Variants in CCDC91 observed in about 807,000 individuals in gnomAD.
CCDC91 encodes coiled-coil domain containing 91.
In CCDC91, 48 loss-of-function variants were observed where a neutral mutation model predicts 63.2. The observed-to-expected ratio is 0.76, with a 90% CI of 0.60 to 0.97. The LOEUF is 0.97. Among genes scored for constraint, CCDC91 ranks in the 50% least tolerant of loss-of-function variants. CCDC91 has a pLI of 0.00. For missense variants in CCDC91, 500 were observed against 494.6 expected, an observed-to-expected ratio of 1.01 and a Z score of -0.10; for synonymous variants, 167 against 165.8, an observed-to-expected ratio of 1.01 and a Z score of -0.06.
At chr12:28,248,245 G>A (rs1459160390) in intron 1 of CCDC91, among the ~76,000 whole-genome samples, 1 of 152,198 alleles carries the variant, frequency 6.6e-6, no homozygotes, top group Non-Finnish European at 1.5e-5. Flanking sequence ...TGGTGGGGGA[G>A]ATGTTGAATT....
chr12:28,299,926 T>C (rs1937866432), intron 3 of CCDC91, among the ~76,000 whole-genome samples: 1 of 151,368 alleles, frequency 6.6e-6, no homozygotes, highest in Admixed American at 6.6e-5. Flanking sequence ...ATACATATTA[T>C]TGTTTTCCCC....
At chr12:28,303,979 C>A (rs1465196985) in intron 3 of CCDC91, among the ~76,000 whole-genome samples, 1 of 151,962 alleles carries the variant, frequency 6.6e-6, no homozygotes, top group Non-Finnish European at 1.5e-5. Flanking sequence ...TCTCACTATT[C>A]TACTTGTATA....
chr12:28,516,208 T>A (rs186868798), intron 12 of CCDC91, among the ~76,000 whole-genome samples: 2,498 of 151,940 alleles, frequency 0.016, 28 homozygotes, highest in South Asian at 0.03. Flanking sequence ...TTAATGATTT[T>A]AAAAAAAATC....
intron 4 of CCDC91, among the ~76,000 whole-genome samples, chr12:28,306,288 G>A (rs1938718581): frequency 1.3e-5 from 2 of 152,018 alleles, no homozygotes; most frequent in South Asian, 4.1e-4. Context: ...AATTTCTAAA[G>A]TGCTGTACAC....
chr12:28,516,183 C>T (rs1939924753), intron 12 of CCDC91, among the ~76,000 whole-genome samples: 1 of 151,882 alleles, frequency 6.6e-6, no homozygotes, highest in South Asian at 2.1e-4. Flanking sequence ...GTGAGGCAGA[C>T]TTTACCTGAA....
intron 7 of CCDC91, among the ~76,000 whole-genome samples, chr12:28,363,597 A>G (rs1565860450): frequency 6.6e-6 from 1 of 152,168 alleles, no homozygotes. Flanking sequence ...TCCGTAAATC[A>G]TTTGGGCCGG....
chr12:28,390,286 A>G (rs1945851593), intron 7 of CCDC91, among the ~76,000 whole-genome samples: 1 of 152,000 alleles, frequency 6.6e-6, no homozygotes, highest in Admixed American at 6.6e-5. Flanking sequence ...ACAGAGATTA[A>G]GAGATTTGGC....
At chr12:28,213,669 A>G (rs1031791464) in intron 1 of CCDC91, among the ~76,000 whole-genome samples, 2 of 152,228 alleles carry the variant, frequency 1.3e-5, no homozygotes, top group African/African-American at 2.4e-5. Flanking sequence ...ACTACCAGAC[A>G]TGGATTTAAA....
chr12:28,421,152 C>A (rs2139906387), intron 8 of CCDC91, among the ~76,000 whole-genome samples: 1 of 152,168 alleles, frequency 6.6e-6, no homozygotes, highest in Non-Finnish European at 1.5e-5. Context: ...TTATAAATCA[C>A]AAACAATACA....
intron 7 of CCDC91, among the ~76,000 whole-genome samples, chr12:28,381,065 T>C (rs1431596971): frequency 6.6e-6 from 1 of 152,156 alleles, no homozygotes; most frequent in Admixed American, 6.6e-5. Flanking sequence ...GTAAAGATGA[T>C]GGTCTGTAAA....
intron 12 of CCDC91, among the ~76,000 whole-genome samples, chr12:28,502,518 T>G (rs1246503732): frequency 2.0e-5 from 3 of 150,436 alleles, no homozygotes; most frequent in Admixed American, 6.6e-5. Flanking sequence ...CAAGGTAATT[T>G]ATAGATTCAA....
intron 3 of CCDC91, among the ~76,000 whole-genome samples, chr12:28,267,673 A>G (rs1947282738): frequency 6.4e-5 from 1 of 15,614 alleles, no homozygotes; most frequent in African/African-American, 7.7e-5. Flanking sequence ...TATTAATTAT[A>G]TTATATGTTA....
chr12:28,441,722 TATATC>T lies in CCDC91; in HGVS notation c.763-8434_763-8430del, dbSNP rs1463770467. 9.4e-4 allele frequency among the ~76,000 whole-genome samples: 12 copies of T among 12,730 alleles called. No homozygotes were observed. In the African/African-American group the frequency reaches 0.019, roughly 21 times the overall value. 8.4% of individuals were successfully genotyped at this position (12,730 alleles called of 152,430 possible). On this transcript the variant is annotated intron_variant, in intron 8 of 12. Coordinates refer to ENST00000536442, the MANE Select transcript of CCDC91 (RefSeq NM_018318.5). Reference sequence around the variant, plus strand: ...ATCTCTCTCATATATATATCTCATATATATCATATATCTCATATATATATCTCATA... The same window carrying T: ...ATCTCTCTCATATATATATCTCATATATATATCTCATATATATATCTCATA...
intron 4 of CCDC91, 94 bp downstream of exon 4, chr12:28,305,900 T>C: frequency 9.1e-7 from 1 of 1,097,036 alleles, no homozygotes; most frequent in Non-Finnish European, 1.3e-6. Context: ...TTTAGCCTAT[T>C]TGTCTAAAAG....
intron 8 of CCDC91, among the ~76,000 whole-genome samples, chr12:28,415,117 A>G (rs141307890): frequency 3.3e-5 from 5 of 152,262 alleles, no homozygotes; most frequent in African/African-American, 1.2e-4. Context: ...TTTGTTTTCT[A>G]GAGTGCTTTA....
chr12:28,273,649 T>C (rs1406599598), intron 3 of CCDC91, among the ~76,000 whole-genome samples: 3 of 152,146 alleles, frequency 2.0e-5, no homozygotes, highest in African/African-American at 7.2e-5. Context: ...TTTTGAGAAG[T>C]GTCTGTTCAT....
chr12:28,456,005 A>G (rs1950042042), intron 11 of CCDC91, among the ~76,000 whole-genome samples: 1 of 152,132 alleles, frequency 6.6e-6, no homozygotes, highest in Non-Finnish European at 1.5e-5. Context: ...GTATTTTGCC[A>G]CTACTCTATT....
At chr12:28,424,790 T>C (rs543885527) in intron 8 of CCDC91, among the ~76,000 whole-genome samples, 1 of 152,314 alleles carries the variant, frequency 6.6e-6, no homozygotes, top group South Asian at 2.1e-4. Flanking sequence ...TGCCTTGTGG[T>C]TTGTACTGTT....
At chr12:28,322,763 A>G (rs1187674230) in intron 6 of CCDC91, among the ~76,000 whole-genome samples, 1 of 151,764 alleles carries the variant, frequency 6.6e-6, no homozygotes, top group Non-Finnish European at 1.5e-5. Flanking sequence ...GACAGATAGT[A>G]TTAACTTGTC....
Sources: gnomAD v4.1 joint callset for allele counts (sites outside exome capture counted in the v4.1 genomes callset) on GRCh38, gnomAD v4.1.1 for gene constraint, MANE v1.5 for transcripts, NCBI Gene and HGNC (gene_info 2026-07-23, HGNC 2026-07-21) for gene names.